Variants in KCTD8 observed in about 807,000 individuals in gnomAD.
KCTD8 encodes potassium channel tetramerization domain containing 8, also known as BTB/POZ domain-containing protein KCTD8.
A neutral mutation model predicts 31.5 loss-of-function variants in KCTD8; 27 were observed. That is an observed-to-expected ratio of 0.86 (90% confidence interval 0.63 to 1.18). The LOEUF (loss-of-function observed/expected upper bound fraction) is 1.18. Among genes scored for constraint, KCTD8 ranks in the 50% most tolerant of loss-of-function variants. The pLI is 0.00. For missense variants in KCTD8, 658 were observed against 647.7 expected (o/e 1.02, Z -0.17); for synonymous variants, 290 against 280.0 (o/e 1.04, Z -0.36).
chr4:44,288,591 T>C (rs1717171834), intron 1 of KCTD8, among the ~76,000 whole-genome samples: 1 of 152,126 alleles, frequency 6.6e-6, no homozygotes, highest in African/African-American at 2.4e-5. Context: ...ATTGGATGCC[T>C]ATTCTGTATG....
At chr4:44,243,192 T>C (rs896796589) in intron 1 of KCTD8, among the ~76,000 whole-genome samples, 5 of 152,200 alleles carry the variant, frequency 3.3e-5, no homozygotes, top group African/African-American at 1.2e-4. Flanking sequence ...CAACTTCCTT[T>C]GTTCATGGGT....
At chr4:44,203,541 A>G (rs1441240582) in intron 1 of KCTD8, among the ~76,000 whole-genome samples, 1 of 151,496 alleles carries the variant, frequency 6.6e-6, no homozygotes, top group Middle Eastern at 3.2e-3. Flanking sequence ...TGAGCTAAGC[A>G]TTCAACTAAG....
At chr4:44,377,464 G>C (rs193165951) in intron 1 of KCTD8, among the ~76,000 whole-genome samples, 1 of 152,160 alleles carries the variant, frequency 6.6e-6, no homozygotes, top group South Asian at 2.1e-4. Context: ...GGCCATTTCT[G>C]GGGGGTAGAA....
chr4:44,423,660 G>C (rs976078999), intron 1 of KCTD8, among the ~76,000 whole-genome samples: 1 of 152,054 alleles, frequency 6.6e-6, no homozygotes, highest in South Asian at 2.1e-4. Context: ...AGGAAATAAA[G>C]TAAGTAATAA....
At chr4:44,293,748 A>G (rs1717345926) in intron 1 of KCTD8, 2 of 439,522 alleles carry the variant, frequency 4.6e-6, no homozygotes, top group East Asian at 1.4e-4. Context: ...AAAGTTGTTG[A>G]AAATATTGAA....
rs760544672 is a variant in KCTD8, at chr4:44,447,846, G to A, written c.678C>T (p.Asp226=). 6.3e-7 allele frequency: 1 copy of A among 1,586,228 alleles called. No homozygotes were observed. Among genetic ancestry groups the A allele is most frequent in the Admixed American group, 1.7e-5 (1 of 57,810 alleles). ...SYTTVRDNQA[D]AKFRRVARIM... is the part of the protein sequence containing the mutation. ...TGCGCGCCACACGCCGGAATTTGGC[G>A]TCGGCCTGGTTGTCGCGCACGGTGG... Residue 226 remains aspartate (D), a synonymous_variant, in exon 1 of 2, where the codon GAC becomes GAT. Coordinates refer to ENST00000360029, the MANE Select transcript of KCTD8 (RefSeq NM_198353.3).
At chr4:44,310,540 A>G (rs1254831845) in intron 1 of KCTD8, among the ~76,000 whole-genome samples, 1 of 152,152 alleles carries the variant, frequency 6.6e-6, no homozygotes, top group African/African-American at 2.4e-5. Context: ...GGAAAACAAA[A>G]AGAAACTACT....
At chr4:44,385,611 C>A (rs180932770) in intron 1 of KCTD8, among the ~76,000 whole-genome samples, 2 of 151,634 alleles carry the variant, frequency 1.3e-5, no homozygotes, top group Admixed American at 6.6e-5. Flanking sequence ...ACAACAAAAT[C>A]GGGAAAGCTT....
intron 1 of KCTD8, among the ~76,000 whole-genome samples, chr4:44,396,684 A>G (rs1429907341): frequency 2.0e-5 from 3 of 152,148 alleles, no homozygotes; most frequent in Non-Finnish European, 2.9e-5. Flanking sequence ...TATTAGGGAA[A>G]TATCTGCACC....
At chr4:44,357,218 GATAA>G (rs1719366483) in intron 1 of KCTD8, among the ~76,000 whole-genome samples, 1 of 151,934 alleles carries the variant, frequency 6.6e-6, no homozygotes, top group Admixed American at 6.6e-5. Context: ...AAACAAAAAG[GATAA>G]ATAACTTGAC....
At chr4:44,398,171 C>A (rs1044475512) in intron 1 of KCTD8, among the ~76,000 whole-genome samples, 1 of 152,062 alleles carries the variant, frequency 6.6e-6, no homozygotes, top group Non-Finnish European at 1.5e-5. Flanking sequence ...TAGCTCAAGG[C>A]CTTTAAAGAG....
At chr4:44,260,548 G>T (rs1716131873) in intron 1 of KCTD8, among the ~76,000 whole-genome samples, 1 of 151,938 alleles carries the variant, frequency 6.6e-6, no homozygotes. Flanking sequence ...AATGTTCTTT[G>T]AGGTGCAGTC....
chr4:44,324,053 A>AAAC lies in KCTD8; in HGVS notation c.961+123509_961+123510insGTT, dbSNP rs1560426419. On this transcript the variant is annotated intron_variant, in intron 1 of 1. Transcript: ENST00000360029. ...AAACTTAAAGTATAATTAAAAAAAA[A>AAAC]AAAACAAAACAAAACAAAACAAAAA... Among the ~76,000 whole-genome samples the AAAC allele has an allele frequency of 3.5e-4, 51 of 145,002 alleles. No individual in the cohort carries two copies. In the East Asian group the frequency reaches 0.01, roughly 28 times the overall value.
At chr4:44,266,340 T>A (rs1393374139) in intron 1 of KCTD8, among the ~76,000 whole-genome samples, 1 of 151,990 alleles carries the variant, frequency 6.6e-6, no homozygotes, top group Non-Finnish European at 1.5e-5. Context: ...GACAAGCAAA[T>A]GCTGAGAGAT....
At chr4:44,218,432 T>C (rs1244122170) in intron 1 of KCTD8, among the ~76,000 whole-genome samples, 1 of 151,662 alleles carries the variant, frequency 6.6e-6, no homozygotes, top group African/African-American at 2.4e-5. Flanking sequence ...CTGTGCCCAG[T>C]CTAAAATATC....
At chr4:44,194,654 G>C (rs1195305801) in intron 1 of KCTD8, among the ~76,000 whole-genome samples, 3 of 152,074 alleles carry the variant, frequency 2.0e-5, no homozygotes, top group Admixed American at 6.5e-5. Context: ...TTCAGTGAAA[G>C]TAATCGGGGT....
chr4:44,175,025 G>A lies in KCTD8; in HGVS notation c.1187C>T (p.Ala396Val). ...TGGTGGGGGTATCCATTGTACAGGT[G>A]CTTTTTTAGAGGGGCGATCCAATGT... ...TLTLDRPSKK[A>V]PVQWIPPPDK... is the part of the protein sequence containing the mutation. Residue 396 changes from alanine (A) to valine (V), a missense_variant, in exon 2 of 2, where the codon GCA becomes GTA. Physicochemically the swap from Ala to Val is moderately conservative, Grantham distance 64 (BLOSUM62 0). Transcript: ENST00000360029. 6.2e-7 allele frequency: 1 copy of A among 1,614,040 alleles called. No individual in the cohort carries two copies. Among genetic ancestry groups the A allele is most frequent in the Admixed American group, 1.7e-5 (1 of 60,010 alleles).
intron 1 of KCTD8, among the ~76,000 whole-genome samples, chr4:44,393,245 C>T (rs1377713157): frequency 3.3e-5 from 5 of 151,738 alleles, no homozygotes; most frequent in African/African-American, 9.7e-5. Flanking sequence ...GATCAGGTTT[C>T]GGTAAAGGAG....
intron 1 of KCTD8, among the ~76,000 whole-genome samples, chr4:44,302,176 G>C (rs1356482967): frequency 2.0e-5 from 3 of 152,074 alleles, no homozygotes; most frequent in Non-Finnish European, 4.4e-5. Context: ...TGTTCTTTTG[G>C]CTTAGGATTG....
Sources: gnomAD v4.1 joint callset for allele counts (sites outside exome capture counted in the v4.1 genomes callset) on GRCh38, gnomAD v4.1.1 for gene constraint, MANE v1.5 for transcripts, NCBI Gene and HGNC (gene_info 2026-07-23, HGNC 2026-07-21) for gene names.